Variants in CNTNAP5 observed in about 807,000 individuals in gnomAD.
CNTNAP5 encodes the protein contactin-associated protein-like 5.
CNTNAP5 carries 72 observed loss-of-function variants against 150.2 expected under a neutral mutation model. The ratio of observed to expected loss-of-function variants is 0.48; its 90% confidence interval spans 0.40 to 0.58. CNTNAP5 has a LOEUF of 0.58. Among genes scored for constraint, CNTNAP5 ranks in the 20% least tolerant of loss-of-function variants. The pLI is 0.00. For synonymous variants in CNTNAP5, 672 were observed against 619.8 expected (o/e 1.08, Z -1.25); for missense variants, 1,636 against 1,626.2 (o/e 1.01, Z -0.10).
At chr2:124,349,226 C>T (rs1006966311) in intron 3 of CNTNAP5, among the ~76,000 whole-genome samples, 16 of 152,144 alleles carry the variant, frequency 1.1e-4, no homozygotes, top group Admixed American at 8.5e-4. Flanking sequence ...CTAGGCTGTA[C>T]GATGTAGCCT....
chr2:124,573,489 AC>A (rs1356090069), intron 11 of CNTNAP5, among the ~76,000 whole-genome samples: 1 of 152,200 alleles, frequency 6.6e-6, no homozygotes, highest in Non-Finnish European at 1.5e-5. Flanking sequence ...TTTGTTCCAA[AC>A]CCCTACAAGC....
intron 14 of CNTNAP5, among the ~76,000 whole-genome samples, chr2:124,750,712 A>G (rs1205996864): frequency 6.6e-6 from 1 of 152,024 alleles, no homozygotes; most frequent in Admixed American, 6.6e-5. Flanking sequence ...AAGGTCGGAC[A>G]TAGTGGCTCA....
In CNTNAP5 at chr2:124,869,589, T is replaced by C. The variant is rs908592561; in HGVS notation, c.3349-86T>C. 1.5e-5 allele frequency: 13 copies of C among 842,690 alleles called. No homozygotes were observed. The South Asian group carries it at 1.9e-4, about 13-fold the overall frequency. 52.2% of individuals were successfully genotyped at this position (842,690 alleles called of 1,614,324 possible). On this transcript the variant is annotated intron_variant, in intron 20 of 23. Transcript: ENST00000682447. ...GGGGGTCTGCTATCTGTATGCATTT[T>C]TTCAAGCTATTTCCAGATGGGATCG... is the stretch of plus-strand genomic sequence containing the variant.
At chr2:124,508,034 A>G (rs2104867394) in intron 8 of CNTNAP5, among the ~76,000 whole-genome samples, 1 of 152,292 alleles carries the variant, frequency 6.6e-6, no homozygotes, top group East Asian at 1.9e-4. Flanking sequence ...GGACTTGGAT[A>G]TTAGCAGGCA....
chr2:124,580,815 C>A (rs918217679), intron 11 of CNTNAP5, among the ~76,000 whole-genome samples: 2 of 152,190 alleles, frequency 1.3e-5, no homozygotes, highest in Middle Eastern at 3.2e-3. Context: ...ATTTGCATGA[C>A]AGTACTTGAT....
chr2:124,500,971 A>T (rs1266236812), intron 7 of CNTNAP5, among the ~76,000 whole-genome samples: 8 of 152,090 alleles, frequency 5.3e-5, no homozygotes. Context: ...GGGGTGTGGT[A>T]AGGAAAAGCA....
intron 5 of CNTNAP5, among the ~76,000 whole-genome samples, chr2:124,435,520 A>T (rs150279132): frequency 2.3e-4 from 35 of 152,342 alleles, no homozygotes; most frequent in African/African-American, 8.4e-4. Context: ...AAGCTGAAAA[A>T]AAAAGTAAAT....
At chr2:124,118,064 T>G (rs1195740947) in intron 1 of CNTNAP5, among the ~76,000 whole-genome samples, 1 of 152,156 alleles carries the variant, frequency 6.6e-6, no homozygotes, top group Non-Finnish European at 1.5e-5. Context: ...TTGCAAACCA[T>G]TGGTCTAGGT....
chr2:124,137,901 G>T (rs1183700868), intron 1 of CNTNAP5, among the ~76,000 whole-genome samples: 1 of 152,102 alleles, frequency 6.6e-6, no homozygotes, highest in Admixed American at 6.5e-5. Context: ...AAATTCAGAA[G>T]AAAAGCCAAG....
At chr2:124,698,367 C>T (rs928560626) in intron 13 of CNTNAP5, among the ~76,000 whole-genome samples, 9 of 110,702 alleles carry the variant, frequency 8.1e-5, no homozygotes, top group South Asian at 3.7e-4. Flanking sequence ...CCCAAGTAGA[C>T]GAGAGGATAC....
chr2:124,586,771 C>G (rs1573476974), intron 11 of CNTNAP5, among the ~76,000 whole-genome samples: 1 of 152,160 alleles, frequency 6.6e-6, no homozygotes, highest in South Asian at 2.1e-4. Context: ...TCCAGGGCAA[C>G]CTCCAACTGT....
intron 14 of CNTNAP5, among the ~76,000 whole-genome samples, chr2:124,759,684 A>G (rs1680916370): frequency 6.6e-6 from 1 of 151,812 alleles, no homozygotes; most frequent in Non-Finnish European, 1.5e-5. Context: ...ATTTATAGAA[A>G]ATAAAATAGT....
intron 12 of CNTNAP5, among the ~76,000 whole-genome samples, chr2:124,629,243 G>A (rs373079802): frequency 3.3e-5 from 5 of 152,152 alleles, no homozygotes; most frequent in South Asian, 2.1e-4. Context: ...CTACCCCAAA[G>A]CAACAGAATA....
At chr2:124,278,472 A>G (rs1257493987) in intron 3 of CNTNAP5, among the ~76,000 whole-genome samples, 2 of 152,174 alleles carry the variant, frequency 1.3e-5, no homozygotes, top group South Asian at 2.1e-4. Flanking sequence ...ATGGCCCATC[A>G]TGGGTTCACT....
chr2:124,567,892 T>C (rs560216365), intron 11 of CNTNAP5, among the ~76,000 whole-genome samples: 1 of 152,184 alleles, frequency 6.6e-6, no homozygotes, highest in Admixed American at 6.5e-5. Flanking sequence ...TATAGATAGA[T>C]AGATACCATT....
chr2:124,532,274 G>T (rs1181442509), intron 10 of CNTNAP5, among the ~76,000 whole-genome samples: 1 of 152,222 alleles, frequency 6.6e-6, no homozygotes, highest in South Asian at 2.1e-4. Flanking sequence ...TTAAGAATAT[G>T]CAATATGTCA....
chr2:124,401,187 C>G (rs1009884957), intron 3 of CNTNAP5, among the ~76,000 whole-genome samples: 1 of 152,164 alleles, frequency 6.6e-6, no homozygotes, highest in African/African-American at 2.4e-5. Flanking sequence ...ACACTTAACA[C>G]AGCAGAAGTC....
chr2:124,610,991 C>T (rs1677372769), intron 12 of CNTNAP5, among the ~76,000 whole-genome samples: 1 of 151,070 alleles, frequency 6.6e-6, no homozygotes, highest in African/African-American at 2.4e-5. Flanking sequence ...GCAAGCACTC[C>T]TATTATGAGC....
intron 11 of CNTNAP5, among the ~76,000 whole-genome samples, chr2:124,598,973 G>C (rs978647548): frequency 7.9e-5 from 12 of 151,394 alleles, no homozygotes; most frequent in African/African-American, 2.9e-4. Flanking sequence ...GCGCTTCCCA[G>C]GTGAGGCAAT....
Sources: allele counts gnomAD v4.1 joint callset (sites outside exome capture counted in the v4.1 genomes callset), GRCh38; gene constraint gnomAD v4.1.1; transcripts MANE v1.5; gene names NCBI Gene and HGNC (gene_info 2026-07-23, HGNC 2026-07-21).